The following LINGO2 variants were observed in gnomAD, a reference collection of about 807,000 sequenced individuals.
The protein encoded by LINGO2 is leucine rich repeat and Ig domain containing 2.
A neutral mutation model predicts 30.6 loss-of-function variants in LINGO2; 14 were observed. The observed-to-expected ratio is 0.46, with a 90% confidence interval of 0.30 to 0.72. LINGO2 has a LOEUF of 0.72. Ranked by LOEUF, LINGO2 falls within the 30% of genes least tolerant of loss-of-function variation. LINGO2 has a pLI of 0.07. For missense variants in LINGO2, 729 were observed against 751.7 expected, an observed-to-expected ratio of 0.97 and a Z score of 0.35; for synonymous variants, 317 against 288.5, an observed-to-expected ratio of 1.10 and a Z score of -1.00.
the LINGO2 span, among the ~76,000 whole-genome samples, chr9:28,822,650 G>A: frequency 3.3e-5 from 5 of 152,122 alleles, no homozygotes; most frequent in African/African-American, 1.2e-4. Flanking sequence ...TCTTTCTCCT[G>A]TGCTGGATGC....
intron 1 of LINGO2, among the ~76,000 whole-genome samples, chr9:28,586,651 GCT>G (rs1366907905): frequency 1.3e-5 from 2 of 152,044 alleles, no homozygotes; most frequent in East Asian, 3.9e-4. Flanking sequence ...GCCAAGTGCT[GCT>G]CTGTCTGTTC....
intron 1 of LINGO2, among the ~76,000 whole-genome samples, chr9:28,533,490 C>G (rs1821313549): frequency 6.6e-6 from 1 of 152,146 alleles, no homozygotes; most frequent in Admixed American, 6.5e-5. Context: ...CTGACTAATA[C>G]AGTCCTCTTT....
intron 3 of LINGO2, among the ~76,000 whole-genome samples, chr9:28,363,302 A>G (rs904943692): frequency 1.9e-4 from 29 of 152,240 alleles, no homozygotes; most frequent in African/African-American, 7.0e-4. Context: ...CCTATTGAGA[A>G]GGAAAACTAA....
intron 4 of LINGO2, among the ~76,000 whole-genome samples, chr9:28,223,404 C>T (rs1821035823): frequency 6.6e-6 from 1 of 152,090 alleles, no homozygotes; most frequent in African/African-American, 2.4e-5. Context: ...TTACAATGGC[C>T]TAAATCTCAT....
the LINGO2 span, among the ~76,000 whole-genome samples, chr9:29,170,354 G>A: frequency 6.6e-6 from 1 of 151,900 alleles, no homozygotes; most frequent in Non-Finnish European, 1.5e-5. Context: ...ATAAACAAAA[G>A]GCAAAAATCA....
chr9:28,262,911 T>A (rs1306354126), intron 4 of LINGO2, among the ~76,000 whole-genome samples: 1 of 151,994 alleles, frequency 6.6e-6, no homozygotes, highest in Non-Finnish European at 1.5e-5. Context: ...CTGTATTGAC[T>A]GTGTAACAAG....
rs1396276995 is a variant in LINGO2, at chr9:28,506,081, ATTG to A, written c.-364-30059_-364-30057del. On this transcript the variant is annotated intron_variant, in intron 1 of 5. Coordinates refer to ENST00000379992, the Ensembl canonical transcript of LINGO2. ...CAATATAATATGAGTAGTAATTTAT[ATTG>A]TTATTATAGGTGTTTACCTATATGA... 7.2e-5 allele frequency among the ~76,000 whole-genome samples: 11 copies of A among 151,740 alleles called. No individual in the cohort carries two copies. In the East Asian group the frequency reaches 1.8e-3, roughly 24 times the overall value.
intron 4 of LINGO2, among the ~76,000 whole-genome samples, chr9:28,175,027 G>C (rs1465819002): frequency 6.6e-6 from 1 of 151,950 alleles, no homozygotes; most frequent in Admixed American, 6.6e-5. Context: ...GTAACTGCCT[G>C]CCCATACCAG....
chr9:29,114,803 T>C, the LINGO2 span, among the ~76,000 whole-genome samples: 1 of 87,692 alleles, frequency 1.1e-5, no homozygotes, highest in Non-Finnish European at 2.4e-5. Flanking sequence ...CAGTCTACCA[T>C]TGTTGGACAT....
At chr9:28,171,818 C>G (rs1425894690) in intron 4 of LINGO2, among the ~76,000 whole-genome samples, 4 of 149,496 alleles carry the variant, frequency 2.7e-5, no homozygotes, top group African/African-American at 4.9e-5. Flanking sequence ...ACCATGCTGG[C>G]TAACACGGTG....
At chr9:28,925,702 G>T in the LINGO2 span, among the ~76,000 whole-genome samples, 1 of 152,120 alleles carries the variant, frequency 6.6e-6, no homozygotes, top group Non-Finnish European at 1.5e-5. Flanking sequence ...GGTTCTTCTA[G>T]TGAATTATCA....
intron 1 of LINGO2, among the ~76,000 whole-genome samples, chr9:28,484,924 G>T (rs529976417): frequency 1.3e-5 from 2 of 152,028 alleles, no homozygotes; most frequent in East Asian, 1.9e-4. Context: ...TGAACTCTTA[G>T]AGAGGGATGG....
At chr9:29,073,226 A>T in the LINGO2 span, among the ~76,000 whole-genome samples, 7 of 152,164 alleles carry the variant, frequency 4.6e-5, no homozygotes, top group African/African-American at 1.7e-4. Context: ...TTAACATGGA[A>T]ATATGTTTCA....
At chr9:28,708,757 C>T in the LINGO2 span, among the ~76,000 whole-genome samples, 1 of 148,944 alleles carries the variant, frequency 6.7e-6, no homozygotes, top group Non-Finnish European at 1.5e-5. Flanking sequence ...CTGTTTTAAA[C>T]TAATTATCTA....
At position 28,571,612 on chromosome 9, in the gene LINGO2, G is replaced by A. The variant is rs75401222; in HGVS notation, c.-364-95587C>T. Among the ~76,000 whole-genome samples, 392 of 152,162 alleles carry A rather than the reference G, an allele frequency of 2.6e-3. 11 individuals carry two copies. The East Asian group carries it at 0.067, about 26-fold the overall frequency. On this transcript the variant is annotated intron_variant, in intron 1 of 5. Coordinates refer to ENST00000379992, the Ensembl canonical transcript of LINGO2. ...GCATATGATTATGCAGTTAAGTGAT[G>A]GATTGAAGATTTAAATCCACTTCTT...
chr9:28,675,889 A>ATG, the LINGO2 span, among the ~76,000 whole-genome samples: 7 of 138,998 alleles, frequency 5.0e-5, no homozygotes, highest in East Asian at 6.5e-4. Context: ...AGAAAAAAAA[A>ATG]TGTGTGTGTG....
At chr9:28,155,426 ACTC>A (rs1196809689) in intron 4 of LINGO2, among the ~76,000 whole-genome samples, 4 of 152,010 alleles carry the variant, frequency 2.6e-5, no homozygotes, top group Admixed American at 1.3e-4. Flanking sequence ...CCTTATGTCT[ACTC>A]CTGCTTTCCT....
chr9:28,153,549 C>G (rs1034721372), intron 4 of LINGO2, among the ~76,000 whole-genome samples: 14 of 152,156 alleles, frequency 9.2e-5, no homozygotes, highest in African/African-American at 3.4e-4. Flanking sequence ...AAATAGAATG[C>G]AACCCAAAAT....
At chr9:28,634,223 T>C (rs1191245474) in intron 1 of LINGO2, among the ~76,000 whole-genome samples, 1 of 152,178 alleles carries the variant, frequency 6.6e-6, no homozygotes, top group Non-Finnish European at 1.5e-5. Flanking sequence ...TACGCTGGTT[T>C]TCTTAAACTA....
Sources: allele counts gnomAD v4.1 joint callset (sites outside exome capture counted in the v4.1 genomes callset), GRCh38; gene constraint gnomAD v4.1.1; transcripts MANE v1.5; gene names NCBI Gene and HGNC (gene_info 2026-07-23, HGNC 2026-07-21).